Variants in SMPD1 observed in about 807,000 individuals in gnomAD.
SMPD1 encodes the protein sphingomyelin phosphodiesterase 1.
A neutral mutation model predicts 49.7 loss-of-function variants in SMPD1; 47 were observed. That is an observed-to-expected ratio of 0.95 (90% CI 0.75 to 1.21). The LOEUF (loss-of-function observed/expected upper bound fraction) is 1.21, where lower values mean the gene tolerates loss of function less well. Ranked by LOEUF, SMPD1 falls within the 50% of genes most tolerant of loss-of-function variation. The probability of loss-of-function intolerance (pLI) is 0.00; values close to 1 mark genes in which losing one functional copy is unlikely to be tolerated. For missense variants in SMPD1, 811 were observed against 822.2 expected, an observed-to-expected ratio of 0.99 and a Z score of 0.17; for synonymous variants, 336 against 339.6, an observed-to-expected ratio of 0.99 and a Z score of 0.12.
Position 6,394,204 on chromosome 11 carries a change from G to C in SMPD1, c.1493G>C (p.Arg498Pro), listed in dbSNP as rs120074117. The change falls in exon 6 of 6, where the codon CGT becomes CCT. Residue 498 changes from arginine (R) to proline (P), a missense_variant. Transcript: ENST00000342245. ...CAGCCCCACATCCTTGCAGGTTACC[G>C]TGTGTACCAAATAGATGGAAACTAC... ...TTYIGLNPGY[R>P]VYQIDGNYSG... 9 of 1,614,126 alleles carry C rather than the reference G, an allele frequency of 5.6e-6. No homozygotes were observed. Among genetic ancestry groups the C allele is most frequent in the South Asian group, 1.1e-5 (1 of 91,076 alleles).
Position 6,392,072 on chromosome 11 carries a change from G to A in SMPD1, c.1007G>A (p.Gly336Asp), listed in dbSNP as rs1375818601. ...AGCTTCCCTCCCCCCTTCATTGAGG[G>A]CAACCACTCCTCCCGCTGGCTCTAT... is the stretch of plus-strand genomic sequence containing the variant. ...VNSFPPPFIE[G>D]NHSSRWLYEA... Residue 336 changes from glycine (G) to aspartate (D), a missense_variant, in exon 2 of 6, where the codon GGC becomes GAC. Physicochemically the swap from Gly to Asp is moderately conservative, Grantham distance 94. Coordinates refer to ENST00000342245, the MANE Select transcript of SMPD1 (RefSeq NM_000543.5). 2 of 1,614,126 alleles carry A rather than the reference G, an allele frequency of 1.2e-6. No individual in the cohort carries two copies. Among genetic ancestry groups the A allele is most frequent in the Middle Eastern group, 1.6e-4 (1 of 6,062 alleles).
In SMPD1 at chr11:6,390,634, C is replaced by A. The variant is rs767287886; in HGVS notation, c.36C>A (p.Cys12Ter). Residue 12 changes from cysteine to a stop codon, truncating the protein, a stop_gained, in exon 1 of 6, where the codon TGC (cysteine) becomes TGA (stop). Transcript: ENST00000342245. LOFTEE classifies it high-confidence loss of function. ...ACGGAGCGTCACTCCGCCAGAGCTG[C>A]CCCAGGTCCGGCCGGGAGCAGGGAC... ...PRYGASLRQSCPRSGREQGQD... is the reference protein window; with the variant it reads ...PRYGASLRQS 1 of 1,613,114 alleles carries A rather than the reference C, an allele frequency of 6.2e-7. No individual in the cohort carries two copies. The highest frequency in any genetic ancestry group is 8.5e-7 in the Non-Finnish European group (1 of 1,179,764).
At chr11:6,393,485 T>C in intron 3 of SMPD1, 98 bp downstream of exon 3, 1 of 1,449,678 alleles carries the variant, frequency 6.9e-7, no homozygotes, top group Non-Finnish European at 9.6e-7. Context: ...TTTCCTGGCA[T>C]TCCCAACAAG....
intron 2 of SMPD1, 83 bp downstream of exon 2, chr11:6,392,239 CTGAT>C: frequency 6.7e-7 from 1 of 1,486,018 alleles, no homozygotes; most frequent in Non-Finnish European, 9.3e-7. Context: ...GGCATTGTCT[CTGAT>C]TGCTCTAGCA....
Position 6,393,421 on chromosome 11 carries a change from G to C in SMPD1, c.1263+34G>C, listed in dbSNP as rs201063268. ...CAGTAGTGGGAACACGGTGGTGCTGGGGGACAAGCAGGCTCCTGTTGAGCT... is the reference window on the plus strand; with the variant it reads ...CAGTAGTGGGAACACGGTGGTGCTGCGGGACAAGCAGGCTCCTGTTGAGCT... On this transcript the variant is annotated intron_variant, in intron 3 of 5. Coordinates refer to ENST00000342245, the MANE Select transcript of SMPD1 (RefSeq NM_000543.5). 131 of 1,599,462 alleles carry C rather than the reference G, an allele frequency of 8.2e-5. No individual in the cohort carries two copies. The Admixed American group carries it at 2.1e-3, about 26-fold the overall frequency.
In SMPD1 at chr11:6,390,779, G is replaced by A; in HGVS notation, c.181G>A (p.Ala61Thr). ...DSRVLWAPAE[A>T]HPLSPQGHPA... ...TCGGGTTCTCTGGGCTCCGGCAGAG[G>A]CTCACCCTCTTTCTCCCCAAGGCCA... Residue 61 changes from alanine to threonine, a missense_variant, in exon 1 of 6, where the codon GCT (alanine) becomes ACT (threonine). Ala to Thr is a moderately conservative substitution (Grantham distance 58). Transcript: ENST00000342245. The A allele has an allele frequency of 6.2e-7, 1 of 1,614,040 alleles. No homozygotes were observed. Among genetic ancestry groups the A allele is most frequent in the Non-Finnish European group, 8.5e-7 (1 of 1,179,982 alleles).
chr11:6,393,876 A>G lies in SMPD1; in HGVS notation c.1341-20A>G, dbSNP rs745845964. 3.7e-6 allele frequency: 6 copies of G among 1,613,942 alleles called. No individual in the cohort carries two copies. In the African/African-American group the frequency reaches 8.0e-5, roughly 22 times the overall value. On this transcript the variant is annotated intron_variant, in intron 4 of 5. Transcript: ENST00000342245. ...CCTACCCCTCCCTAGAATCTTCTGA[A>G]TGTAGTACCTTCTGGCCAGGTATGA...
Position 6,390,624 on chromosome 11 carries a change from G to T in SMPD1, c.26G>T (p.Arg9Leu), listed in dbSNP as rs373013062. ...ATGCCCCGCTACGGAGCGTCACTCC[G>T]CCAGAGCTGCCCCAGGTCCGGCCGG... MPRYGASL[R>L]QSCPRSGREQ... The change falls in exon 1 of 6, where the codon CGC becomes CTC. Residue 9 changes from arginine (R) to leucine (L), a missense_variant. By Grantham distance (102) the Arg-to-Leu change is moderately radical. Coordinates refer to ENST00000342245, the MANE Select transcript of SMPD1 (RefSeq NM_000543.5). 6 of 1,612,654 alleles carry T rather than the reference G, an allele frequency of 3.7e-6. No homozygotes were observed. Among genetic ancestry groups the T allele is most frequent in the Middle Eastern group, 1.6e-4 (1 of 6,072 alleles).
chr11:6,392,329 C>CTTTTTTTTT (rs756326903), intron 2 of SMPD1, 173 bp downstream of exon 2: 2 of 404,246 alleles, frequency 4.9e-6, no homozygotes, highest in Non-Finnish European at 8.4e-6. Context: ...CCGCACCAGG[C>CTTTTTTTTT]TTTTTTTTTT....
At position 6,390,527 on chromosome 11, in the gene SMPD1, C is replaced by T. The variant is rs1413075090; in HGVS notation, c.-72C>T. 6.4e-7 allele frequency: 1 copy of T among 1,568,910 alleles called. No individual in the cohort carries two copies. Among genetic ancestry groups the T allele is most frequent in the East Asian group, 2.3e-5 (1 of 43,124 alleles). On this transcript the variant is annotated 5_prime_UTR_variant, in exon 1 of 6. Transcript: ENST00000342245. Reference sequence around the variant, plus strand: ...GGGTGTCCCCGGCGCCGCCCGGGGCCCTGAGGGCTGGCTAGGGTCCAGGCC... The same window carrying T: ...GGGTGTCCCCGGCGCCGCCCGGGGCTCTGAGGGCTGGCTAGGGTCCAGGCC...
rs1193641799 is a variant in SMPD1 at position 6,394,733 on chromosome 11, C to T, written c.*126C>T. ...ACCAGTCCCTGGGCCCCAAGGATGC[C>T]GGGGAAACAGGACCTTCTCCTTTCC... On this transcript the variant is annotated 3_prime_UTR_variant, in exon 6 of 6. Transcript: ENST00000342245. 2.4e-6 allele frequency: 2 copies of T among 825,528 alleles called. No homozygotes were observed. The highest frequency in any genetic ancestry group is 2.6e-5 in the East Asian group (1 of 37,762). 51.1% of individuals were successfully genotyped at this position (825,528 alleles called of 1,614,324 possible).
At position 6,393,233 on chromosome 11, in the gene SMPD1, C is replaced by T; in HGVS notation, c.1109C>T (p.Ala370Val). 6 of 1,613,840 alleles carry T rather than the reference C, an allele frequency of 3.7e-6. No homozygotes were observed. The highest frequency in any genetic ancestry group is 5.1e-6 in the Non-Finnish European group (6 of 1,179,788). Residue 370 changes from alanine (A) to valine (V), a missense_variant, in exon 3 of 6, where the codon GCT (alanine) becomes GTT (valine). By Grantham distance (64) the Ala-to-Val change is moderately conservative. Coordinates refer to ENST00000342245, the MANE Select transcript of SMPD1 (RefSeq NM_000543.5). ...TGTTTCAGAATTGGGGGGTTCTATG[C>T]TCTTTCCCCATACCCCGGTCTCCGC... ...LRTLRIGGFYALSPYPGLRLI... is the reference protein window; with the variant it reads ...LRTLRIGGFYVLSPYPGLRLI...
In SMPD1 at chr11:6,394,393, G is replaced by A. The variant is rs546768091; in HGVS notation, c.1682G>A (p.Arg561His). 2.0e-5 allele frequency: 33 copies of A among 1,614,208 alleles called. No homozygotes were observed. The highest frequency in any genetic ancestry group is 2.7e-5 in the African/African-American group (2 of 75,052). The change falls in exon 6 of 6, where the codon CGC becomes CAC. Residue 561 changes from arginine (R) to histidine (H), a missense_variant. Arg to His is a conservative substitution (Grantham distance 29). Transcript: ENST00000342245. The part of the protein sequence containing the change: ...LPTAWHNLVY[R>H]MRGDMQLFQT... ...ACCGCCTGGCACAACCTGGTATATC[G>A]CATGCGGGGCGACATGCAACTTTTC... is the stretch of plus-strand genomic sequence containing the variant.
intron 2 of SMPD1, 119 bp from the exon 3 acceptor site, chr11:6,393,097 T>C (rs1848006767): frequency 1.3e-6 from 1 of 794,676 alleles, no homozygotes; most frequent in East Asian, 2.7e-5. Context: ...CTGGCTAGAC[T>C]GTGAGCTCCT....
At position 6,394,331 on chromosome 11, in the gene SMPD1, G is replaced by A. The variant is rs778746534; in HGVS notation, c.1620G>A (p.Arg540=). The change falls in exon 6 of 6, where the codon AGG becomes AGA. Residue 540 remains arginine (R), a synonymous_variant. Transcript: ENST00000342245. ...GAIPHWQLLY[R]ARETYGLPNT... is the part of the protein sequence containing the mutation. ...TACCGCACTGGCAGCTTCTCTACAG[G>A]GCTCGAGAAACCTATGGGCTGCCCA... 54 of 1,614,102 alleles carry A rather than the reference G, an allele frequency of 3.3e-5. No individual in the cohort carries two copies. The highest frequency in any genetic ancestry group is 5.3e-5 in the African/African-American group (4 of 74,932).
Position 6,393,407 on chromosome 11 carries a change from A to G in SMPD1, c.1263+20A>G, listed in dbSNP as rs1230085230. The stretch of plus-strand genomic sequence containing the variant: ...GACAAAGTGAGGGCCAGTAGTGGGA[A>G]CACGGTGGTGCTGGGGGACAAGCAG... On this transcript the variant is annotated intron_variant, in intron 3 of 5. Transcript: ENST00000342245. The G allele has an allele frequency of 6.2e-7, 1 of 1,606,766 alleles. No individual in the cohort carries two copies. The highest frequency in any genetic ancestry group is 1.1e-5 in the South Asian group (1 of 90,280).
chr11:6,394,076 G>C, intron 5 of SMPD1, 35 bp downstream of exon 5: 1 of 1,613,950 alleles, frequency 6.2e-7, no homozygotes. Context: ...CCTTATCCTG[G>C]AGTTGGTGGG....
Position 6,390,699 on chromosome 11 carries a change from G to A in SMPD1, c.101G>A (p.Gly34Asp), listed in dbSNP as rs1554933790. ...TAGAPGLLWM[G>D]LVLALALALA... Reference sequence around the variant, plus strand: ...GGAGCCCCCGGACTCCTTTGGATGGGCCTGGTGCTGGCGCTGGCGCTGGCG... The same window carrying A: ...GGAGCCCCCGGACTCCTTTGGATGGACCTGGTGCTGGCGCTGGCGCTGGCG... The change falls in exon 1 of 6, where the codon GGC (glycine) becomes GAC (aspartate). Residue 34 changes from glycine (G) to aspartate (D), a missense_variant. Coordinates refer to ENST00000342245, the MANE Select transcript of SMPD1 (RefSeq NM_000543.5). 5 of 1,576,084 alleles carry A rather than the reference G, an allele frequency of 3.2e-6. No individual in the cohort carries two copies. The highest frequency in any genetic ancestry group is 4.3e-6 in the Non-Finnish European group (5 of 1,154,674).
At chr11:6,393,793 G>A in intron 4 of SMPD1, 100 bp downstream of exon 4, 5 of 1,553,262 alleles carry the variant, frequency 3.2e-6, no homozygotes, top group African/African-American at 1.4e-5. Flanking sequence ...ATGGAGTGGG[G>A]AGGCTCCTCA....
Sources: gnomAD v4.1 joint callset for allele counts on GRCh38, gnomAD v4.1.1 for gene constraint, MANE v1.5 for transcripts, NCBI Gene and HGNC (gene_info 2026-07-23, HGNC 2026-07-21) for gene names.